The following XIRP2 variants were observed in gnomAD, a reference collection of about 807,000 sequenced individuals.
XIRP2 encodes xin actin-binding repeat-containing protein 2.
Under a neutral mutation model 277.0 loss-of-function variants are expected in XIRP2, and 236 were observed. That is an observed-to-expected ratio of 0.85 (90% CI 0.77 to 0.95). The LOEUF (loss-of-function observed/expected upper bound fraction) is 0.95. Among genes scored for constraint, XIRP2 ranks in the 40% least tolerant of loss-of-function variants. The pLI is 0.00. For missense variants in XIRP2, 4,640 were observed against 4,157.5 expected (o/e 1.12, Z -3.19); for synonymous variants, 1,490 against 1,416.5 (o/e 1.05, Z -1.17).
intron 3 of XIRP2, among the ~76,000 whole-genome samples, chr2:167,154,809 T>G (rs1363538865): frequency 2.6e-5 from 4 of 152,040 alleles, no homozygotes; most frequent in African/African-American, 7.2e-5. Flanking sequence ...ATCCAGGAGC[T>G]GGTTTTTTGA....
intron 2 of XIRP2, among the ~76,000 whole-genome samples, chr2:167,113,397 A>G (rs11903616): frequency 0.03 from 4,576 of 152,252 alleles, 76 homozygotes; most frequent in East Asian, 0.049. Flanking sequence ...CTACCATTAT[A>G]TAATGCCCTA....
At chr2:166,958,318 C>T (rs942123258) in intron 2 of XIRP2, among the ~76,000 whole-genome samples, 6 of 151,794 alleles carry the variant, frequency 4.0e-5, no homozygotes, top group Non-Finnish European at 8.8e-5. Flanking sequence ...AGAGGGAGAG[C>T]AAGTAAATCT....
rs188111428 is a variant in XIRP2 at position 167,113,746 on chromosome 2, A to G, written c.409-22163A>G. Among the ~76,000 whole-genome samples the G allele has an allele frequency of 3.3e-3, 499 of 152,290 alleles. 2 individuals are homozygous for G. The highest frequency in any genetic ancestry group is 2.4e-3 in the Non-Finnish European group (160 of 68,028). ...ATTTTATAGTATCACTGATGTGTGT[A>G]CGTAAGTGTGTTTTTGTAGTGTCTG... On this transcript the variant is annotated intron_variant, in intron 2 of 10. Transcript: ENST00000409195.
At chr2:166,913,642 C>T (rs1246528166) in intron 2 of XIRP2, among the ~76,000 whole-genome samples, 3 of 152,090 alleles carry the variant, frequency 2.0e-5, no homozygotes, top group Admixed American at 6.6e-5. Context: ...ATCAAAGTGG[C>T]CACAAAGCAA....
At chr2:166,913,026 C>A (rs1470972125) in intron 2 of XIRP2, among the ~76,000 whole-genome samples, 2 of 152,190 alleles carry the variant, frequency 1.3e-5, no homozygotes, top group Non-Finnish European at 2.9e-5. Flanking sequence ...TGGAGGATGC[C>A]TCCCAGTCAG....
intron 5 of XIRP2, among the ~76,000 whole-genome samples, chr2:167,219,756 C>T (rs1255629993): frequency 1.3e-5 from 2 of 152,214 alleles, no homozygotes; most frequent in East Asian, 1.9e-4. Flanking sequence ...TCATAACCCC[C>T]TCAGTCTTCA....
chr2:167,088,588 A>T (rs562961161), intron 2 of XIRP2, among the ~76,000 whole-genome samples: 1 of 152,276 alleles, frequency 6.6e-6, no homozygotes, highest in South Asian at 2.1e-4. Flanking sequence ...ATAAAGTTCA[A>T]AAATCTTAAT....
At chr2:167,166,509 G>A (rs1692524450) in intron 3 of XIRP2, among the ~76,000 whole-genome samples, 1 of 152,062 alleles carries the variant, frequency 6.6e-6, no homozygotes, top group Non-Finnish European at 1.5e-5. Context: ...TTTTTGCGTT[G>A]CTATGAAGAA....
chr2:166,957,522 T>A (rs1686191229), intron 2 of XIRP2, among the ~76,000 whole-genome samples: 1 of 151,852 alleles, frequency 6.6e-6, no homozygotes, highest in South Asian at 2.1e-4. Flanking sequence ...CTCTATTTTT[T>A]ATGAATGTAT....
Position 166,960,085 on chromosome 2 carries a change from G to C in XIRP2, c.408+56195G>C, listed in dbSNP as rs1203177744. Among the ~76,000 whole-genome samples, 3 of 151,828 alleles carry C rather than the reference G, an allele frequency of 2.0e-5. No homozygotes were observed. In the East Asian group the frequency reaches 5.8e-4, roughly 30 times the overall value. On this transcript the variant is annotated intron_variant, in intron 2 of 10. Transcript: ENST00000409195. ...CTAAACTTACTATTTTAAAAATGAT[G>C]TTATTAACAATAAACTCCATTTTGT...
At chr2:167,211,998 AG>A (rs1379920869) in intron 4 of XIRP2, among the ~76,000 whole-genome samples, 3 of 152,216 alleles carry the variant, frequency 2.0e-5, no homozygotes, top group African/African-American at 7.2e-5. Context: ...AAGCCAAAAA[AG>A]GTGGTGTATT....
intron 2 of XIRP2, among the ~76,000 whole-genome samples, chr2:167,111,626 C>T (rs530296451): frequency 6.7e-6 from 1 of 149,502 alleles, no homozygotes; most frequent in Non-Finnish European, 1.5e-5. Context: ...ACTGGCTGAA[C>T]GTTTTCTTTT....
Position 167,136,957 on chromosome 2 carries a change from C to G in XIRP2, c.562+895C>G, listed in dbSNP as rs1302298749. ...GTTATTGAAAGTGCTGTTTGCGAAT[C>G]AGCACGTCAGCATCACCTGGAGGCT... is the stretch of plus-strand genomic sequence containing the variant. On this transcript the variant is annotated intron_variant, in intron 3 of 10. Coordinates refer to ENST00000409195, the MANE Select transcript of XIRP2 (RefSeq NM_152381.6). Among the ~76,000 whole-genome samples, 6 of 152,342 alleles carry G rather than the reference C, an allele frequency of 3.9e-5. No homozygotes were observed. The South Asian group carries it at 1.0e-3, about 26-fold the overall frequency.
chr2:166,939,398 T>G (rs908210022), intron 2 of XIRP2, among the ~76,000 whole-genome samples: 2 of 152,072 alleles, frequency 1.3e-5, no homozygotes, highest in Non-Finnish European at 2.9e-5. Flanking sequence ...ATTCTTTTCT[T>G]GGGCTGGGCA....
chr2:167,197,028 A>C (rs1489029167), intron 3 of XIRP2, among the ~76,000 whole-genome samples: 4 of 152,220 alleles, frequency 2.6e-5, no homozygotes, highest in Non-Finnish European at 5.9e-5. Flanking sequence ...ATTTTGGCAG[A>C]AGTTACATTT....
intron 2 of XIRP2, among the ~76,000 whole-genome samples, chr2:166,974,560 C>T (rs1157752745): frequency 6.6e-6 from 1 of 151,048 alleles, no homozygotes; most frequent in Non-Finnish European, 1.5e-5. Flanking sequence ...TTAAAATTTC[C>T]CTGAAGATAT....
chr2:167,142,593 G>A (rs573886106), intron 3 of XIRP2, among the ~76,000 whole-genome samples: 3 of 151,880 alleles, frequency 2.0e-5, no homozygotes, highest in Non-Finnish European at 4.4e-5. Context: ...GAGAAAGAAA[G>A]GTACATGGGA....
Position 167,245,654 on chromosome 2 carries a change from G to A in XIRP2, c.4262G>A (p.Ser1421Asn). 6.2e-7 allele frequency: 1 copy of A among 1,613,596 alleles called. No individual in the cohort carries two copies. The highest frequency in any genetic ancestry group is 8.5e-7 in the Non-Finnish European group (1 of 1,179,720). ...ATACAAGGTGGCAATGTAAAGACAA[G>A]TAGACAATTCTTTGAGTCTGAAAAT... ...DHIQGGNVKT[S>N]RQFFESENFD... Residue 1421 changes from serine (S) to asparagine (N), a missense_variant, in exon 9 of 11, where the codon AGT becomes AAT. By Grantham distance (46) the Ser-to-Asn change is conservative (BLOSUM62 1). Coordinates refer to ENST00000409195, the MANE Select transcript of XIRP2 (RefSeq NM_152381.6).
Position 167,242,866 on chromosome 2 carries a change from C to A in XIRP2, c.1474C>A (p.Gln492Lys). ...LPVPKDVYSK[Q>K]RNLYELNRLY... is the part of the protein sequence containing the mutation. ...AGTCCCCAAAGATGTATATTCCAAG[C>A]AAAGAAATTTGTATGAATTAAACCG... is the stretch of plus-strand genomic sequence containing the variant. The change falls in exon 9 of 11, where the codon CAA becomes AAA. Residue 492 changes from glutamine to lysine, a missense_variant. By Grantham distance (53) the Gln-to-Lys change is moderately conservative. Coordinates refer to ENST00000409195, the MANE Select transcript of XIRP2 (RefSeq NM_152381.6). The A allele has an allele frequency of 1.2e-6, 2 of 1,614,042 alleles. No homozygotes were observed. The highest frequency in any genetic ancestry group is 8.5e-7 in the Non-Finnish European group (1 of 1,179,978).
Sources: gnomAD v4.1 joint callset for allele counts (sites outside exome capture counted in the v4.1 genomes callset) on GRCh38, gnomAD v4.1.1 for gene constraint, MANE v1.5 for transcripts, NCBI Gene and HGNC (gene_info 2026-07-23, HGNC 2026-07-21) for gene names.